HDAC4: variants seen among roughly 807,000 people sequenced by gnomAD.
HDAC4 encodes histone deacetylase A.
HDAC4 carries 16 observed loss-of-function variants against 135.1 expected under a neutral mutation model. The observed-to-expected ratio is 0.12, with a 90% CI of 0.08 to 0.18. The LOEUF (loss-of-function observed/expected upper bound fraction) is 0.18, where lower values mean the gene tolerates loss of function less well. Among genes scored for constraint, HDAC4 ranks in the 10% least tolerant of loss-of-function variants. HDAC4 has a pLI of 1.00. For synonymous variants in HDAC4, 685 were observed against 653.4 expected, an observed-to-expected ratio of 1.05 and a Z score of -0.74; for missense variants, 1,143 against 1,511.8, an observed-to-expected ratio of 0.76 and a Z score of 4.05.
rs997112484 is a variant in HDAC4 at position 239,167,146 on chromosome 2, C to T, written c.491-3223G>A. 6.6e-5 allele frequency among the ~76,000 whole-genome samples: 10 copies of T among 151,630 alleles called. No individual in the cohort carries two copies. Among genetic ancestry groups the T allele is most frequent in the African/African-American group, 2.4e-4 (10 of 41,254 alleles). The stretch of plus-strand genomic sequence containing the variant: ...TTCTCGGTGTGCGGGACGAGGACGC[C>T]CTCAACACTTTCCAGTAGACCCAAA... On this transcript the variant is annotated intron_variant, in intron 5 of 26. Coordinates refer to ENST00000543185, the MANE Select transcript of HDAC4 (RefSeq NM_001378414.1). This position sits in a 1 kb window ranked among gnomAD's most constrained non-coding sequence, Gnocchi z 4.1.
chr2:239,189,856 CCTCGTGCTGCCGGGAGAGCTG>C lies in HDAC4; in HGVS notation c.295_315del (p.Gln99_Glu105del), dbSNP rs2044800146. On this transcript the variant is annotated inframe_deletion, in exon 4 of 27. Coordinates refer to ENST00000543185, the MANE Select transcript of HDAC4 (RefSeq NM_001378414.1). ...ACCTTGATGTGCTCGTGGAGCTGCG[CCTCGTGCTGCCGGGAGAGCTG>C]CTCGTGCTGCCTCTGGAACTCAGCG... 1 of 1,608,680 alleles carries C rather than the reference CCTCGTGCTGCCGGGAGAGCTG, an allele frequency of 6.2e-7. No individual in the cohort carries two copies. The highest frequency in any genetic ancestry group is 8.5e-7 in the Non-Finnish European group (1 of 1,179,772).
At chr2:239,094,621 G>A (rs963636267) in intron 17 of HDAC4, 51 of 1,143,600 alleles carry the variant, frequency 4.5e-5, no homozygotes, top group Non-Finnish European at 5.2e-5. Context: ...CCCACCTGTA[G>A]CTTCGGGTGG....
intron 2 of HDAC4, among the ~76,000 whole-genome samples, chr2:239,297,772 G>C (rs2052001350): frequency 6.6e-6 from 1 of 152,160 alleles, no homozygotes; most frequent in African/African-American, 2.4e-5. Flanking sequence ...CCACAACGAA[G>C]GCCACAAATG....
intron 5 of HDAC4, 143 bp from the exon 6 acceptor site, chr2:239,164,066 C>A: frequency 1.0e-6 from 1 of 958,470 alleles, no homozygotes; most frequent in Non-Finnish European, 1.7e-6. Context: ...AGCGCTTCCT[C>A]AAAGAACCAA....
chr2:239,305,765 C>A (rs916293775), intron 2 of HDAC4, among the ~76,000 whole-genome samples: 2 of 152,138 alleles, frequency 1.3e-5, no homozygotes, highest in Non-Finnish European at 2.9e-5. Flanking sequence ...ACGTGTATTT[C>A]GAGTTGAAAT....
At chr2:239,296,460 C>A (rs931485863) in intron 2 of HDAC4, among the ~76,000 whole-genome samples, 8 of 152,188 alleles carry the variant, frequency 5.3e-5, no homozygotes, top group Non-Finnish European at 1.2e-4. Flanking sequence ...ATGCAGGCAG[C>A]CAGCTGAGTG....
chr2:239,151,280 G>A (rs554776817), intron 7 of HDAC4, among the ~76,000 whole-genome samples: 3 of 152,346 alleles, frequency 2.0e-5, no homozygotes, highest in African/African-American at 7.2e-5. Context: ...CCATGAAGTG[G>A]ATGCCCACCG....
At chr2:239,195,095 G>A (rs2045286916) in intron 3 of HDAC4, among the ~76,000 whole-genome samples, 1 of 152,202 alleles carries the variant, frequency 6.6e-6, no homozygotes, top group South Asian at 2.1e-4. Context: ...GGTGGGCACC[G>A]AGGCTGGGGA....
At position 239,084,189 on chromosome 2, in the gene HDAC4, C is replaced by T. The variant is rs765802838; in HGVS notation, c.2498G>A (p.Arg833Lys). ...VAVAAKLLQQ[R>K]LSVSKILIVD... is the part of the protein sequence containing the mutation. The stretch of plus-strand genomic sequence containing the variant: ...GATGAGGATCTTGCTCACGCTCAAC[C>T]TCTGCTGCAGAAGCTTGGCTGCCAC... The change falls in exon 20 of 27, where the codon AGG (arginine) becomes AAG (lysine). Residue 833 changes from arginine to lysine, a missense_variant. By Grantham distance (26) the Arg-to-Lys change is conservative (BLOSUM62 2). Transcript: ENST00000543185. 3.1e-6 allele frequency: 5 copies of T among 1,613,464 alleles called. No homozygotes were observed. The highest frequency in any genetic ancestry group is 1.6e-4 in the Middle Eastern group (1 of 6,082).
At chr2:239,102,733 G>T (rs759020322) in intron 16 of HDAC4, 43 bp downstream of exon 16, 1 of 1,611,678 alleles carries the variant, frequency 6.2e-7, no homozygotes. Flanking sequence ...AACCTCAGGG[G>T]ACTTCAAACC....
intron 2 of HDAC4, among the ~76,000 whole-genome samples, chr2:239,263,582 A>T (rs1341253060): frequency 6.6e-6 from 1 of 152,138 alleles, no homozygotes; most frequent in Non-Finnish European, 1.5e-5. Flanking sequence ...GGGCAAGGGC[A>T]GGGAAGTGAG....
chr2:239,385,076 A>G (rs941824489), intron 1 of HDAC4, among the ~76,000 whole-genome samples: 13 of 152,110 alleles, frequency 8.5e-5, no homozygotes, highest in Non-Finnish European at 1.2e-4. Flanking sequence ...CTTCCCTTCC[A>G]TCTTGGCTCT....
In HDAC4 at chr2:239,049,057, C is replaced by G. The variant is rs2030425431; in HGVS notation, c.*4040G>C. On this transcript the variant is annotated 3_prime_UTR_variant, in exon 27 of 27. Coordinates refer to ENST00000543185, the MANE Select transcript of HDAC4 (RefSeq NM_001378414.1). ...TTCCTCCAAATCAACTCGAGAGAGACAGGCAGTTCACTGTGAATTCTGAGT... is the reference window on the plus strand; with the variant it reads ...TTCCTCCAAATCAACTCGAGAGAGAGAGGCAGTTCACTGTGAATTCTGAGT... The G allele has an allele frequency of 1.3e-5, 2 of 152,248 alleles. No homozygotes were observed. Among genetic ancestry groups the G allele is most frequent in the South Asian group, 4.1e-4 (2 of 4,836 alleles). 9.4% of individuals were successfully genotyped at this position (152,248 alleles called of 1,614,324 possible).
At chr2:239,108,239 C>CCACT in intron 14 of HDAC4, 56 bp from the exon 15 acceptor site, 2 of 1,557,452 alleles carry the variant, frequency 1.3e-6, no homozygotes, top group Non-Finnish European at 1.7e-6. Context: ...AGCCGACCAC[C>CCACT]CACTGGCAGG....
chr2:239,233,471 A>G (rs937987464), intron 3 of HDAC4, among the ~76,000 whole-genome samples: 1 of 151,226 alleles, frequency 6.6e-6, no homozygotes, highest in Admixed American at 6.6e-5. Flanking sequence ...AAAAAAAAAA[A>G]CAAACCCAAA....
chr2:239,238,499 A>T (rs1436638177), intron 2 of HDAC4, among the ~76,000 whole-genome samples: 1 of 152,162 alleles, frequency 6.6e-6, no homozygotes, highest in Non-Finnish European at 1.5e-5. Context: ...TGTCCCCCAG[A>T]ACTGCCTCCC....
chr2:239,164,470 A>C (rs1392953843), intron 5 of HDAC4, among the ~76,000 whole-genome samples: 3 of 152,250 alleles, frequency 2.0e-5, no homozygotes, highest in Non-Finnish European at 4.4e-5. Flanking sequence ...GAGTGACTGC[A>C]CCAAGTGGGA....
intron 24 of HDAC4, among the ~76,000 whole-genome samples, chr2:239,056,512 C>T (rs1030857132): frequency 6.6e-6 from 1 of 152,204 alleles, no homozygotes; most frequent in South Asian, 2.1e-4. Context: ...AAAATCAACA[C>T]CGTGGTATTG....
chr2:239,365,236 C>T (rs577347324), intron 1 of HDAC4, among the ~76,000 whole-genome samples: 5 of 152,302 alleles, frequency 3.3e-5, no homozygotes, highest in South Asian at 2.1e-4. Flanking sequence ...TTTTATGATA[C>T]GTGGCCACAT....
Sources: allele counts gnomAD v4.1 joint callset (sites outside exome capture counted in the v4.1 genomes callset), GRCh38; gene constraint gnomAD v4.1.1; non-coding constraint Gnocchi (gnomAD v3.1); transcripts MANE v1.5; gene names NCBI Gene and HGNC (gene_info 2026-07-23, HGNC 2026-07-21).